The following TENM2 variants were observed in gnomAD, a reference collection of about 807,000 sequenced individuals.
The protein encoded by TENM2 is teneurin-2.
Under a neutral mutation model 245.2 loss-of-function variants are expected in TENM2, and 52 were observed. The ratio of observed to expected loss-of-function variants is 0.21; its 90% CI spans 0.17 to 0.27. The LOEUF (loss-of-function observed/expected upper bound fraction) is 0.27, where lower values mean the gene tolerates loss of function less well. Ranked by LOEUF, TENM2 falls within the 10% of genes least tolerant of loss-of-function variation. TENM2 has a pLI of 1.00. For synonymous variants in TENM2, 1,363 were observed against 1,438.9 expected (o/e 0.95, Z 1.19); for missense variants, 3,046 against 3,666.8 (o/e 0.83, Z 4.37).
At position 167,652,209 on chromosome 5, in the gene TENM2, C is replaced by T. The variant is rs528826406; in HGVS notation, c.503-223777C>T. Among the ~76,000 whole-genome samples the T allele has an allele frequency of 2.6e-5, 4 of 152,244 alleles. No individual in the cohort carries two copies. The East Asian group carries it at 7.7e-4, about 29-fold the overall frequency. ...TCTTTGGGACTGGAAATTACTTGAC[C>T]TTAAATGCACTTTCTCTATGGCATC... On this transcript the variant is annotated intron_variant, in intron 2 of 28. Transcript: ENST00000518659.
At chr5:167,961,968 C>T (rs1227525977) in intron 4 of TENM2, among the ~76,000 whole-genome samples, 1 of 152,192 alleles carries the variant, frequency 6.6e-6, no homozygotes, top group Non-Finnish European at 1.5e-5. Context: ...ACACACGAAA[C>T]ACATAAACAT....
intron 2 of TENM2, among the ~76,000 whole-genome samples, chr5:167,610,472 C>A (rs1041297115): frequency 1.3e-5 from 2 of 152,140 alleles, no homozygotes; most frequent in Non-Finnish European, 2.9e-5. Flanking sequence ...CTGAAACAAT[C>A]TAGGGGCCCC....
the TENM2 span, among the ~76,000 whole-genome samples, chr5:167,157,141 T>A: frequency 6.6e-6 from 1 of 152,176 alleles, no homozygotes; most frequent in Admixed American, 6.5e-5. Context: ...AGGAAAAATA[T>A]CTTATATAGT....
chr5:168,157,393 T>C (rs1408500785), intron 12 of TENM2, among the ~76,000 whole-genome samples: 1 of 152,176 alleles, frequency 6.6e-6, no homozygotes, highest in African/African-American at 2.4e-5. Context: ...TTTCCAGCAG[T>C]GTCCAGAATG....
At chr5:167,093,409 G>A in the TENM2 span, among the ~76,000 whole-genome samples, 1 of 152,164 alleles carries the variant, frequency 6.6e-6, no homozygotes, top group Non-Finnish European at 1.5e-5. Context: ...AGCAGAAAAG[G>A]AACTTACTGG....
At chr5:167,560,834 C>T (rs1045085617) in intron 2 of TENM2, among the ~76,000 whole-genome samples, 5 of 152,312 alleles carry the variant, frequency 3.3e-5, no homozygotes, top group African/African-American at 1.2e-4. Flanking sequence ...ACCCTCATAG[C>T]TCTCAACTGG....
chr5:167,627,076 C>G (rs1454229031), intron 2 of TENM2, among the ~76,000 whole-genome samples: 2 of 152,054 alleles, frequency 1.3e-5, no homozygotes, highest in African/African-American at 4.8e-5. Flanking sequence ...ATTGGAGCCT[C>G]TATAAAAATG....
At chr5:167,284,810 A>G in exon 1 of TENM2, 1 of 1,523,920 alleles carries the variant, frequency 6.6e-7, no homozygotes, top group African/African-American at 1.4e-5. Flanking sequence ...TTTTCTGAAA[A>G]CATCAGCATT....
intron 6 of TENM2, among the ~76,000 whole-genome samples, chr5:168,051,008 T>C (rs900957038): frequency 6.6e-6 from 1 of 152,210 alleles, no homozygotes; most frequent in Admixed American, 6.5e-5. Flanking sequence ...TGGAGAACTT[T>C]CTCTGTAGAT....
intron 2 of TENM2, among the ~76,000 whole-genome samples, chr5:167,423,038 C>G (rs868244488): frequency 6.6e-6 from 1 of 152,088 alleles, no homozygotes; most frequent in Non-Finnish European, 1.5e-5. Context: ...TGAAAATGTT[C>G]CATTTCCGAC....
the TENM2 span, among the ~76,000 whole-genome samples, chr5:167,163,863 T>G: frequency 6.6e-6 from 1 of 152,188 alleles, no homozygotes; most frequent in African/African-American, 2.4e-5. Context: ...CATAGTCCTC[T>G]GGAGACTTGG....
intron 1 of TENM2, among the ~76,000 whole-genome samples, chr5:167,295,412 A>G (rs1333165206): frequency 6.6e-6 from 1 of 152,078 alleles, no homozygotes; most frequent in Non-Finnish European, 1.5e-5. Flanking sequence ...GCAGCTGTCT[A>G]CTCTGCGGTA....
intron 3 of TENM2, among the ~76,000 whole-genome samples, chr5:167,933,656 T>A (rs1486899398): frequency 1.3e-5 from 2 of 151,906 alleles, no homozygotes; most frequent in East Asian, 3.9e-4. Flanking sequence ...AATTCATTTA[T>A]GAATAAATTG....
At chr5:167,724,288 G>GTT (rs1300011133) in intron 2 of TENM2, among the ~76,000 whole-genome samples, 2 of 143,718 alleles carry the variant, frequency 1.4e-5, no homozygotes, top group Non-Finnish European at 1.5e-5. Context: ...TAAATTACTA[G>GTT]TTTTTTTTTT....
At chr5:167,758,862 G>A (rs900434649) in intron 2 of TENM2, among the ~76,000 whole-genome samples, 2 of 151,746 alleles carry the variant, frequency 1.3e-5, no homozygotes, top group Admixed American at 6.6e-5. Flanking sequence ...TTCATGCTAG[G>A]ACCTTGATTG....
the TENM2 span, among the ~76,000 whole-genome samples, chr5:167,279,514 TTTCCTTCCTTCCTTCCTTCCTTCC>T: frequency 1.0e-5 from 1 of 98,212 alleles, no homozygotes; most frequent in African/African-American, 3.7e-5. Context: ...CCTTCCTTCC[TTTCCTTCCTTCCTTCCTTCCTTCC>T]TTCCTTCCTT....
At chr5:167,328,316 C>T (rs1416811295) in intron 1 of TENM2, among the ~76,000 whole-genome samples, 1 of 148,592 alleles carries the variant, frequency 6.7e-6, no homozygotes, top group African/African-American at 2.5e-5. Context: ...AAGTGATCCT[C>T]CTGACTCAGC....
chr5:167,581,632 G>C (rs997890955), intron 2 of TENM2, among the ~76,000 whole-genome samples: 1 of 152,096 alleles, frequency 6.6e-6, no homozygotes, highest in Non-Finnish European at 1.5e-5. Context: ...ATATGTATGT[G>C]CATATATCTT....
At chr5:167,147,139 T>A in the TENM2 span, among the ~76,000 whole-genome samples, 2 of 152,210 alleles carry the variant, frequency 1.3e-5, no homozygotes, top group Non-Finnish European at 2.9e-5. Flanking sequence ...TTTCTTTTAT[T>A]AAAATAGTCT....
Sources: allele counts gnomAD v4.1 joint callset (sites outside exome capture counted in the v4.1 genomes callset), GRCh38; gene constraint gnomAD v4.1.1; transcripts MANE v1.5; gene names NCBI Gene and HGNC (gene_info 2026-07-23, HGNC 2026-07-21).